MUCL1: variants seen among roughly 807,000 people sequenced by gnomAD.
MUCL1 encodes mucin-like protein 1.
A neutral mutation model predicts 9.2 loss-of-function variants in MUCL1; 11 were observed. That is an observed-to-expected ratio of 1.19 (90% CI 0.75 to 1.97). MUCL1 has a LOEUF of 1.97. Ranked by LOEUF, MUCL1 falls within the 30% of genes most tolerant of loss-of-function variation. The probability of loss-of-function intolerance (pLI) is 0.00; values close to 1 mark genes in which losing one functional copy is unlikely to be tolerated. For missense variants in MUCL1, 144 were observed against 110.9 expected (o/e 1.30, Z -1.34); for synonymous variants, 48 against 40.5 (o/e 1.19, Z -0.71).
At position 54,858,259 on chromosome 12, in the gene MUCL1, G is replaced by A. The variant is rs1196930690; in HGVS notation, c.*17G>A. On this transcript the variant is annotated 3_prime_UTR_variant, in exon 4 of 4. Coordinates refer to ENST00000308796, the MANE Select transcript of MUCL1 (RefSeq NM_058173.3). ...TGTCCCTGAGATGGAATCAGCTTGA[G>A]TCTTCTGCAATTGGTCACAACTATT... The A allele has an allele frequency of 6.2e-7, 1 of 1,613,352 alleles. No individual in the cohort carries two copies. Among genetic ancestry groups the A allele is most frequent in the Non-Finnish European group, 8.5e-7 (1 of 1,179,502 alleles).
At chr12:54,839,093 T>C (rs1475584146), upstream of MUCL1, among the ~76,000 whole-genome samples, 1 of 152,186 alleles carries the variant, frequency 6.6e-6, no homozygotes, top group Non-Finnish European at 1.5e-5. Context: ...AATTTTAGTA[T>C]GTTTTCTTAA....
At chr12:54,833,255 G>A (rs563590998) in intron 1 of MUCL1, among the ~76,000 whole-genome samples, 2 of 152,072 alleles carry the variant, frequency 1.3e-5, no homozygotes, top group Admixed American at 6.5e-5. Flanking sequence ...GTTTTGCATC[G>A]AATATATAGA....
chr12:54,854,718 G>C (rs563776960), intron 1 of MUCL1, 78 bp downstream of exon 1: 2 of 1,354,802 alleles, frequency 1.5e-6, no homozygotes, highest in South Asian at 1.2e-5. Flanking sequence ...GTGGGCTTAT[G>C]GTTGCTTAGA....
chr12:54,835,638 G>A (rs1324875204), upstream of MUCL1, among the ~76,000 whole-genome samples: 1 of 147,728 alleles, frequency 6.8e-6, no homozygotes, highest in Non-Finnish European at 1.5e-5. Flanking sequence ...ATTTGTTTGA[G>A]CTCCTTGTCT....
At chr12:54,837,311 G>T (rs1248700785), upstream of MUCL1, among the ~76,000 whole-genome samples, 1 of 152,100 alleles carries the variant, frequency 6.6e-6, no homozygotes, top group East Asian at 1.9e-4. Context: ...TTGTTGGATT[G>T]ATCCTTTTCC....
At chr12:54,832,501 AT>A (rs753452225) in intron 1 of MUCL1, among the ~76,000 whole-genome samples, 6 of 152,160 alleles carry the variant, frequency 3.9e-5, no homozygotes, top group Non-Finnish European at 5.9e-5. Context: ...GTTTACAACT[AT>A]GTAAGCTTCT....
At chr12:54,851,081 T>C (rs1365702521), upstream of MUCL1, among the ~76,000 whole-genome samples, 3 of 152,216 alleles carry the variant, frequency 2.0e-5, no homozygotes, top group African/African-American at 7.2e-5. Flanking sequence ...GATGGAGAGA[T>C]TGCAAAAATT....
At chr12:54,850,161 A>T (rs1399439444), upstream of MUCL1, among the ~76,000 whole-genome samples, 3 of 150,888 alleles carry the variant, frequency 2.0e-5, no homozygotes, top group Non-Finnish European at 4.4e-5. Flanking sequence ...ATAACTACTC[A>T]TTTTTTTTTA....
chr12:54,853,871 T>A (rs1868276481), upstream of MUCL1, among the ~76,000 whole-genome samples: 1 of 152,226 alleles, frequency 6.6e-6, no homozygotes, highest in African/African-American at 2.4e-5. Context: ...ATTGATTAAA[T>A]GGATGCATGA....
intron 1 of MUCL1, among the ~76,000 whole-genome samples, chr12:54,846,836 C>G (rs761540514): frequency 3.3e-5 from 5 of 152,192 alleles, no homozygotes; most frequent in Non-Finnish European, 5.9e-5. Flanking sequence ...GTAACTTGTA[C>G]TTTCAGCTTT....
chr12:54,856,819 AACCACTGCAACCACTGCTGCTCCT>A lies in MUCL1; in HGVS notation c.165_188del (p.Pro58_Ala65del), dbSNP rs776366438. The A allele has an allele frequency of 3.0e-5, 48 of 1,612,238 alleles. No individual in the cohort carries two copies. The highest frequency in any genetic ancestry group is 1.7e-4 in the Middle Eastern group (1 of 6,042). ...CTGATGCTGAAACCACTGCTGCTGC[AACCACTGCAACCACTGCTGCTCCT>A]ACCACTGCAACCACCGCTGCTTCTA... On this transcript the variant is annotated inframe_deletion, in exon 3 of 4. Coordinates refer to ENST00000308796, the MANE Select transcript of MUCL1 (RefSeq NM_058173.3).
At chr12:54,841,924 G>A (rs745555292) in intron 1 of MUCL1, among the ~76,000 whole-genome samples, 3 of 152,024 alleles carry the variant, frequency 2.0e-5, no homozygotes, top group Non-Finnish European at 4.4e-5. Context: ...TTTCTTCTTG[G>A]AGTTTTACAG....
chr12:54,839,271 G>C, upstream of MUCL1: 1 of 671,778 alleles, frequency 1.5e-6, no homozygotes, highest in South Asian at 1.6e-5. Flanking sequence ...CTTGGTGTGT[G>C]AGCAGGTGGG....
chr12:54,849,698 A>G (rs1238142710), upstream of MUCL1, among the ~76,000 whole-genome samples: 1 of 152,134 alleles, frequency 6.6e-6, no homozygotes, highest in African/African-American at 2.4e-5. Context: ...TTTTAATATA[A>G]CATGCCCTAT....
At chr12:54,854,175 T>C (rs1424743249), upstream of MUCL1, among the ~76,000 whole-genome samples, 1 of 152,178 alleles carries the variant, frequency 6.6e-6, no homozygotes, top group Non-Finnish European at 1.5e-5. Context: ...CTAGAATCTA[T>C]GAAAAGAGCA....
chr12:54,844,328 T>C (rs1048073624), intron 1 of MUCL1, among the ~76,000 whole-genome samples: 3 of 152,178 alleles, frequency 2.0e-5, no homozygotes, highest in African/African-American at 7.2e-5. Context: ...TTCTGTTAGA[T>C]AGATTTTTTT....
At chr12:54,849,627 T>C (rs1473471569), upstream of MUCL1, among the ~76,000 whole-genome samples, 3 of 152,032 alleles carry the variant, frequency 2.0e-5, no homozygotes, top group Non-Finnish European at 4.4e-5. Flanking sequence ...TTATATAGAA[T>C]ATATTGCATA....
chr12:54,836,149 G>T (rs1208733711), upstream of MUCL1, among the ~76,000 whole-genome samples: 3 of 152,176 alleles, frequency 2.0e-5, no homozygotes, highest in Non-Finnish European at 2.9e-5. Context: ...AATAGTTTCA[G>T]TAAGATTGCT....
upstream of MUCL1, among the ~76,000 whole-genome samples, chr12:54,835,010 C>A (rs10747717): frequency 0.36 from 54,247 of 151,868 alleles, 11,595 homozygotes; most frequent in East Asian, 0.83. Flanking sequence ...TTTTGTTTTC[C>A]ATTCCTGAGT....
Sources: gnomAD v4.1 joint callset for allele counts (sites outside exome capture counted in the v4.1 genomes callset) on GRCh38, gnomAD v4.1.1 for gene constraint, MANE v1.5 for transcripts, NCBI Gene and HGNC (gene_info 2026-07-23, HGNC 2026-07-21) for gene names.